Variants in KPNA3 observed in about 807,000 individuals in gnomAD.
The protein encoded by KPNA3 is importin subunit alpha-4.
Under a neutral mutation model 73.8 loss-of-function variants are expected in KPNA3, and 13 were observed. That is an observed-to-expected ratio of 0.18 (90% confidence interval 0.11 to 0.28). The LOEUF is 0.28. Among genes scored for constraint, KPNA3 ranks in the 10% least tolerant of loss-of-function variants. The pLI is 1.00. For synonymous variants in KPNA3, 186 were observed against 206.9 expected, an observed-to-expected ratio of 0.90 and a Z score of 0.87; for missense variants, 360 against 618.1, an observed-to-expected ratio of 0.58 and a Z score of 4.43.
At position 49,705,754 on chromosome 13, in the gene KPNA3, T is replaced by C. The variant is rs1954201843; in HGVS notation, c.1239A>G (p.Ile413Met). ...CTGACAGTAAATTACAGAACGGTGG[T>C]ATTACATTCTGCTGTACAAGGTACT... ...QVEYLVQQNV[I>M]PPFCNLLSVK... is the part of the protein sequence containing the mutation. Residue 413 changes from isoleucine (I) to methionine (M), a missense_variant, in exon 15 of 17, where the codon ATA (isoleucine) becomes ATG (methionine). By Grantham distance (10) the Ile-to-Met change is conservative (BLOSUM62 1). Transcript: ENST00000261667. 6.2e-7 allele frequency: 1 copy of C among 1,613,464 alleles called. No individual in the cohort carries two copies. Among genetic ancestry groups the C allele is most frequent in the South Asian group, 1.1e-5 (1 of 91,048 alleles).
intron 3 of KPNA3, 23 bp from the exon 4 acceptor site, chr13:49,732,799 T>C (rs749133473): frequency 6.6e-7 from 1 of 1,524,080 alleles, no homozygotes; most frequent in Non-Finnish European, 9.0e-7. Context: ...AAAAAAATAG[T>C]TCAGCAGAGT....
intron 7 of KPNA3, 27 bp from the exon 8 acceptor site, chr13:49,722,590 T>C (rs1954369908): frequency 2.2e-6 from 3 of 1,380,134 alleles, no homozygotes; most frequent in Non-Finnish European, 2.0e-6. Context: ...CTAATATTTA[T>C]ACTAGCAACA....
At chr13:49,750,623 C>T (rs1566350110) in intron 1 of KPNA3, among the ~76,000 whole-genome samples, 1 of 151,030 alleles carries the variant, frequency 6.6e-6, no homozygotes, top group Non-Finnish European at 1.5e-5. Flanking sequence ...CAGAGTGAAA[C>T]CCTGCCTTGG....
chr13:49,745,750 T>C (rs551883419), intron 2 of KPNA3, among the ~76,000 whole-genome samples: 1 of 152,182 alleles, frequency 6.6e-6, no homozygotes, highest in East Asian at 1.9e-4. Flanking sequence ...TGAAATAAGT[T>C]TTAAATTTAT....
At chr13:49,771,360 A>C (rs1954854144) in intron 1 of KPNA3, among the ~76,000 whole-genome samples, 2 of 152,344 alleles carry the variant, frequency 1.3e-5, no homozygotes, top group African/African-American at 4.8e-5. Context: ...TTAAACTTTC[A>C]GTAAACAATG....
At chr13:49,753,403 T>C (rs541613509) in intron 1 of KPNA3, among the ~76,000 whole-genome samples, 13 of 152,312 alleles carry the variant, frequency 8.5e-5, no homozygotes, top group Middle Eastern at 6.8e-3. Flanking sequence ...AGTATACAAG[T>C]GGCAAAACAA....
chr13:49,792,549 C>T lies in KPNA3; in HGVS notation c.-43G>A, dbSNP rs762513300. On this transcript the variant is annotated 5_prime_UTR_variant, in exon 1 of 17. Coordinates refer to ENST00000261667, the MANE Select transcript of KPNA3 (RefSeq NM_002267.4). ...GCGGCGGCTACTCCTGCGGCTGCGG[C>T]GGCGGCGGCGGCGAATCTTGGAGCG... The T allele has an allele frequency of 2.6e-6, 3 of 1,166,538 alleles. No homozygotes were observed. Among genetic ancestry groups the T allele is most frequent in the Non-Finnish European group, 3.5e-6 (3 of 856,180 alleles). 72.3% of individuals were successfully genotyped at this position (1,166,538 alleles called of 1,614,324 possible).
intron 1 of KPNA3, among the ~76,000 whole-genome samples, chr13:49,779,096 CA>C (rs1375001463): frequency 7.0e-6 from 1 of 142,506 alleles, no homozygotes; most frequent in South Asian, 2.1e-4. Flanking sequence ...CTGCTAGTTC[CA>C]TTTTTTTTTT....
At chr13:49,722,690 T>C (rs1954370760) in intron 7 of KPNA3, 127 bp from the exon 8 acceptor site, 1 of 573,658 alleles carries the variant, frequency 1.7e-6, no homozygotes, top group Non-Finnish European at 3.0e-6. Context: ...GTGGCAAATA[T>C]CTTTACCCTA....
At chr13:49,778,661 T>C (rs1954916891) in intron 1 of KPNA3, among the ~76,000 whole-genome samples, 1 of 152,202 alleles carries the variant, frequency 6.6e-6, no homozygotes, top group Non-Finnish European at 1.5e-5. Context: ...TGTTGTTTTT[T>C]CTGAGACAGT....
chr13:49,705,564 A>T, intron 15 of KPNA3, 57 bp downstream of exon 15: 1 of 1,547,852 alleles, frequency 6.5e-7, no homozygotes, highest in South Asian at 1.2e-5. Context: ...ACTTTAAAGA[A>T]CTTATGTTTC....
chr13:49,722,418 G>T, intron 8 of KPNA3, 59 bp downstream of exon 8: 1 of 1,129,956 alleles, frequency 8.8e-7, no homozygotes, highest in Non-Finnish European at 1.3e-6. Flanking sequence ...TAATGGCTAT[G>T]CCAATGTAGG....
intron 10 of KPNA3, among the ~76,000 whole-genome samples, chr13:49,713,747 C>T (rs1386886810): frequency 3.3e-5 from 5 of 152,030 alleles, no homozygotes; most frequent in South Asian, 4.2e-4. Context: ...TCTGTCACCC[C>T]GGCTGGGGTG....
At chr13:49,790,572 G>C (rs1955024719) in intron 1 of KPNA3, among the ~76,000 whole-genome samples, 1 of 152,216 alleles carries the variant, frequency 6.6e-6, no homozygotes, top group South Asian at 2.1e-4. Context: ...TGCCACATTA[G>C]AACTACCATT....
chr13:49,701,896 A>C lies in KPNA3; in HGVS notation c.1470T>G (p.Ile490Met). The C allele has an allele frequency of 1.2e-6, 2 of 1,606,940 alleles. No homozygotes were observed. The highest frequency in any genetic ancestry group is 2.2e-5 in the East Asian group (1 of 44,820). Residue 490 changes from isoleucine (I) to methionine (M), a missense_variant and splice_region_variant, in exon 17 of 17, where the codon ATT becomes ATG. Physicochemically the swap from Ile to Met is conservative, Grantham distance 10. Coordinates refer to ENST00000261667, the MANE Select transcript of KPNA3 (RefSeq NM_002267.4). The stretch of plus-strand genomic sequence containing the variant: ...CAGGAATGAGGCAGGGATCTTCATC[A>C]ATCTGTAAAAAACAAGAAAAAAATC... ...IIDQYFSGDD[I>M]DEDPCLIPEA...
intron 15 of KPNA3, among the ~76,000 whole-genome samples, chr13:49,703,183 CTTT>C (rs35282756): frequency 9.2e-6 from 1 of 109,200 alleles, no homozygotes; most frequent in Non-Finnish European, 1.8e-5. Context: ...TTCTTTCTTT[CTTT>C]TTTTTTTTTT....
chr13:49,707,023 ACAGG>A (rs1460967739), intron 12 of KPNA3, among the ~76,000 whole-genome samples: 2 of 152,202 alleles, frequency 1.3e-5, no homozygotes, highest in African/African-American at 4.8e-5. Context: ...TGCTGAGATT[ACAGG>A]CATGAGCCAC....
At chr13:49,713,297 AAC>A (rs35263412) in intron 10 of KPNA3, among the ~76,000 whole-genome samples, 103,670 of 148,578 alleles carry the variant, frequency 0.7, 37,249 homozygotes, top group Non-Finnish European at 0.82. Flanking sequence ...GCAGAGAATA[AAC>A]ACACACACAC....
chr13:49,702,612 T>A, intron 15 of KPNA3, 132 bp from the exon 16 acceptor site: 1 of 514,750 alleles, frequency 1.9e-6, no homozygotes, highest in South Asian at 2.7e-5. Flanking sequence ...AGATAGTGGT[T>A]TGTCTAAAAA....
Sources: allele counts gnomAD v4.1 joint callset (sites outside exome capture counted in the v4.1 genomes callset), GRCh38; gene constraint gnomAD v4.1.1; transcripts MANE v1.5; gene names NCBI Gene and HGNC (gene_info 2026-07-23, HGNC 2026-07-21).